Variants in ATP5F1A observed in about 807,000 individuals in gnomAD.
The protein encoded by ATP5F1A is ATP synthase F(1) complex subunit alpha, mitochondrial.
A neutral mutation model predicts 57.4 loss-of-function variants in ATP5F1A; 24 were observed. The ratio of observed to expected loss-of-function variants is 0.42; its 90% confidence interval spans 0.30 to 0.59. The LOEUF (loss-of-function observed/expected upper bound fraction) is 0.59, where lower values mean the gene tolerates loss of function less well. Ranked by LOEUF, ATP5F1A falls within the 20% of genes least tolerant of loss-of-function variation. The pLI is 0.19. For missense variants in ATP5F1A, 494 were observed against 707.9 expected (o/e 0.70, Z 3.43); for synonymous variants, 251 against 255.5 (o/e 0.98, Z 0.17).
chr18:46,089,532 AG>A, intron 5 of ATP5F1A, 33 bp downstream of exon 5: 1 of 1,609,060 alleles, frequency 6.2e-7, no homozygotes. Flanking sequence ...AGCAAATTTT[AG>A]TTAGAACTTT....
At chr18:46,085,934 A>C in intron 10 of ATP5F1A, 179 bp downstream of exon 10, 1 of 218,066 alleles carries the variant, frequency 4.6e-6, no homozygotes, top group African/African-American at 3.4e-5. Flanking sequence ...ACTTCGTCTC[A>C]AAAAAAAAAA....
intron 6 of ATP5F1A, 99 bp downstream of exon 6, chr18:46,088,010 G>A: frequency 3.8e-6 from 5 of 1,331,996 alleles, no homozygotes; most frequent in Non-Finnish European, 5.2e-6. Context: ...AGCCCATTAG[G>A]AAGTAATTAA....
intron 10 of ATP5F1A, 180 bp downstream of exon 10, chr18:46,085,933 C>CAAA (rs34456835): frequency 4.3e-4 from 257 of 597,690 alleles, no homozygotes; most frequent in South Asian, 5.5e-4. Context: ...AACTTCGTCT[C>CAAA]AAAAAAAAAA....
At position 46,087,588 on chromosome 18, in the gene ATP5F1A, G is replaced by C. The variant is rs1910210902; in HGVS notation, c.800-96C>G. 4 of 1,414,878 alleles carry C rather than the reference G, an allele frequency of 2.8e-6. No homozygotes were observed. In the South Asian group the frequency reaches 5.2e-5, roughly 18 times the overall value. The allele number at this position is 1,414,878 out of a possible 1,614,324, so 87.6% of individuals were successfully genotyped here. On this transcript the variant is annotated intron_variant, in intron 6 of 11. Coordinates refer to ENST00000398752, the MANE Select transcript of ATP5F1A (RefSeq NM_004046.6). ...AAGTGCTAAAAATATTTACCATTAA[G>C]AGTTAATCAGGCCAGGCGCAGTGGC... is the stretch of plus-strand genomic sequence containing the variant.
At position 46,083,365 on chromosome 18, in the gene ATP5F1A, A is replaced by C. The variant is rs1274123451; in HGVS notation, c.*917T>G. 1.3e-5 allele frequency: 2 copies of C among 152,234 alleles called. No homozygotes were observed. The highest frequency in any genetic ancestry group is 2.9e-5 in the Non-Finnish European group (2 of 68,100). The allele number at this position is 152,234 out of a possible 1,614,324, so 9.4% of individuals were successfully genotyped here. On this transcript the variant is annotated 3_prime_UTR_variant, in exon 12 of 12. Transcript: ENST00000398752. The stretch of plus-strand genomic sequence containing the variant: ...TGAGGTGGAAGAATCAATTGAACCC[A>C]GGTGGCAGAAGCTGCAGTGAGCTGA...
At chr18:46,099,775 C>A (rs1235740321), upstream of ATP5F1A, among the ~76,000 whole-genome samples, 2 of 152,162 alleles carry the variant, frequency 1.3e-5, no homozygotes, top group Non-Finnish European at 2.9e-5. Context: ...TCCCCCAAAT[C>A]CTGGCTTACA....
Position 46,087,224 on chromosome 18 carries a change from A to G in ATP5F1A, c.960T>C (p.Ala320=). ...GGAGCAACAGAGACATCTGACGGTA[A>G]GCAACAGCCTATGGTACAGAATAGG... ...IYDDLSKQAV[A]YRQMSLLLRR... The change falls in exon 8 of 12, where the codon GCT becomes GCC. Residue 320 remains alanine (A), a synonymous_variant. Coordinates refer to ENST00000398752, the MANE Select transcript of ATP5F1A (RefSeq NM_004046.6). 2 of 1,614,122 alleles carry G rather than the reference A, an allele frequency of 1.2e-6. No homozygotes were observed. The highest frequency in any genetic ancestry group is 1.7e-6 in the Non-Finnish European group (2 of 1,179,952).
chr18:46,084,251 G>T lies in ATP5F1A; in HGVS notation c.*31C>A, dbSNP rs368877282. On this transcript the variant is annotated 3_prime_UTR_variant, in exon 12 of 12. Coordinates refer to ENST00000398752, the MANE Select transcript of ATP5F1A (RefSeq NM_004046.6). ...AATTTACTAGAACAATGACAAAACT[G>T]AACTGGTATTTGATGTGAATCCACA... is the stretch of plus-strand genomic sequence containing the variant. The T allele has an allele frequency of 9.1e-5, 144 of 1,579,720 alleles. No individual in the cohort carries two copies. Among genetic ancestry groups the T allele is most frequent in the Non-Finnish European group, 1.1e-4 (130 of 1,155,804 alleles).
intron 2 of ATP5F1A, among the ~76,000 whole-genome samples, chr18:46,094,186 CAT>C (rs1555696032): frequency 2.3e-4 from 34 of 151,098 alleles, no homozygotes; most frequent in Admixed American, 1.6e-3. Flanking sequence ...CACACACACA[CAT>C]ATACACACAC....
Position 46,084,025 on chromosome 18 carries a change from T to A in ATP5F1A, c.*257A>T. 1 of 327,098 alleles carries A rather than the reference T, an allele frequency of 3.1e-6. No individual in the cohort carries two copies. The highest frequency in any genetic ancestry group is 5.5e-6 in the Non-Finnish European group (1 of 182,818). The allele number at this position is 327,098 out of a possible 1,614,324, so 20.3% of individuals were successfully genotyped here. ...AAAAAAACTTACAAAGAGCTCAGCCTTGAATTATCTAGCCCAGTTGACTGT... is the reference window on the plus strand; with the variant it reads ...AAAAAAACTTACAAAGAGCTCAGCCATGAATTATCTAGCCCAGTTGACTGT... On this transcript the variant is annotated 3_prime_UTR_variant, in exon 12 of 12. Transcript: ENST00000398752.
chr18:46,089,074 AC>A (rs1910345558), intron 5 of ATP5F1A, among the ~76,000 whole-genome samples: 1 of 151,666 alleles, frequency 6.6e-6, no homozygotes, highest in Non-Finnish European at 1.5e-5. Flanking sequence ...CATTAACCCT[AC>A]AGTCCTGCCA....
chr18:46,084,927 T>A (rs1456451431), intron 10 of ATP5F1A: 2 of 305,390 alleles, frequency 6.5e-6, no homozygotes, highest in Admixed American at 1.0e-4. Context: ...TAATACTGTT[T>A]TGAGTATAAA....
At position 46,086,240 on chromosome 18, in the gene ATP5F1A, C is replaced by T; in HGVS notation, c.1302G>A (p.Lys434=). The change falls in exon 10 of 12, where the codon AAG becomes AAA. Residue 434 remains lysine (K), a synonymous_variant. Transcript: ENST00000398752. ...RAMKQVAGTM[K]LELAQYREVA... ...CCTCACGATACTGAGCCAATTCCAG[C>T]TTCATGGTACCTGCTACCTGCAATA... 6.2e-7 allele frequency: 1 copy of T among 1,613,794 alleles called. No individual in the cohort carries two copies. Among genetic ancestry groups the T allele is most frequent in the Admixed American group, 1.7e-5 (1 of 60,008 alleles).
chr18:46,091,292 T>C (rs531111798), intron 3 of ATP5F1A, among the ~76,000 whole-genome samples: 7 of 152,352 alleles, frequency 4.6e-5, no homozygotes, highest in African/African-American at 1.4e-4. Flanking sequence ...ACAATATGTC[T>C]ACTCACTAGA....
chr18:46,094,152 T>G (rs1910765130), intron 2 of ATP5F1A, among the ~76,000 whole-genome samples: 1 of 129,024 alleles, frequency 7.8e-6, no homozygotes, highest in Non-Finnish European at 1.6e-5. Context: ...AACGTGGGGG[T>G]GTGTGTACAC....
At chr18:46,103,694 T>C (rs978153709) in intron 1 of ATP5F1A, among the ~76,000 whole-genome samples, 13 of 147,276 alleles carry the variant, frequency 8.8e-5, no homozygotes, top group Non-Finnish European at 1.6e-4. Context: ...GGTGGGCGGA[T>C]CATGAGGTTA....
chr18:46,089,521 G>T, intron 5 of ATP5F1A, 45 bp downstream of exon 5: 1 of 1,604,878 alleles, frequency 6.2e-7, no homozygotes, highest in South Asian at 1.1e-5. Flanking sequence ...TCCTTCCATT[G>T]AGCAAATTTT....
Position 46,087,266 on chromosome 18 carries a change from A to G in ATP5F1A, c.952-34T>C, listed in dbSNP as rs896578032. 2.9e-5 allele frequency: 46 copies of G among 1,611,736 alleles called. No individual in the cohort carries two copies. In the Admixed American group the frequency reaches 7.2e-4, roughly 25 times the overall value. On this transcript the variant is annotated intron_variant, in intron 7 of 11. Coordinates refer to ENST00000398752, the MANE Select transcript of ATP5F1A (RefSeq NM_004046.6). ...CAGAATAGGTTTGTGAAGTTAACCT[A>G]TTAAATAGAAGTTGCATATGTGAAC...
intron 2 of ATP5F1A, 114 bp downstream of exon 2, chr18:46,094,939 T>C: frequency 3.7e-6 from 5 of 1,368,772 alleles, no homozygotes; most frequent in East Asian, 2.6e-5. Context: ...TGAGAGTCTA[T>C]ACAAACTAGA....
Sources: allele counts gnomAD v4.1 joint callset (sites outside exome capture counted in the v4.1 genomes callset), GRCh38; gene constraint gnomAD v4.1.1; transcripts MANE v1.5; gene names NCBI Gene and HGNC (gene_info 2026-07-23, HGNC 2026-07-21).